Variants in TRAPPC9 observed in about 807,000 individuals in gnomAD.
The protein encoded by TRAPPC9 is IKK2 binding protein.
Under a neutral mutation model 124.0 loss-of-function variants are expected in TRAPPC9, and 83 were observed. The observed-to-expected ratio is 0.67, with a 90% confidence interval of 0.56 to 0.80. The LOEUF is 0.80. Ranked by LOEUF, TRAPPC9 falls within the 30% of genes least tolerant of loss-of-function variation. The pLI, the probability that TRAPPC9 is intolerant of heterozygous loss-of-function variation, is 0.00. For missense variants in TRAPPC9, 1,302 were observed against 1,508.3 expected, an observed-to-expected ratio of 0.86 and a Z score of 2.27; for synonymous variants, 638 against 617.5, an observed-to-expected ratio of 1.03 and a Z score of -0.49.
At chr8:140,165,371 TA>T (rs909196344) in intron 17 of TRAPPC9, among the ~76,000 whole-genome samples, 2 of 147,006 alleles carry the variant, frequency 1.4e-5, no homozygotes, top group African/African-American at 5.0e-5. Flanking sequence ...CAAAATAAAA[TA>T]ATAAAAATAC....
intron 20 of TRAPPC9, among the ~76,000 whole-genome samples, chr8:139,894,828 A>G (rs1489694372): frequency 6.6e-6 from 1 of 152,196 alleles, no homozygotes; most frequent in African/African-American, 2.4e-5. Context: ...AGTCACGCTC[A>G]GAGCAGTGAC....
At chr8:139,781,987 G>A (rs575050370) in intron 21 of TRAPPC9, among the ~76,000 whole-genome samples, 19 of 152,140 alleles carry the variant, frequency 1.2e-4, no homozygotes, top group East Asian at 1.2e-3. Context: ...AAATGCAGAC[G>A]CACCCAATAA....
At chr8:140,202,588 A>G (rs1186096976) in intron 17 of TRAPPC9, among the ~76,000 whole-genome samples, 2 of 152,252 alleles carry the variant, frequency 1.3e-5, no homozygotes, top group Non-Finnish European at 2.9e-5. Context: ...GAATGACATT[A>G]TTAAATCAGG....
intron 19 of TRAPPC9, chr8:139,932,479 G>C (rs1253151003): frequency 4.4e-6 from 2 of 457,320 alleles, no homozygotes; most frequent in African/African-American, 2.0e-5. Flanking sequence ...ATGTCATGTA[G>C]ACACTGGGCG....
At chr8:140,431,370 T>C (rs2070639022) in intron 4 of TRAPPC9, among the ~76,000 whole-genome samples, 1 of 151,756 alleles carries the variant, frequency 6.6e-6, no homozygotes, top group African/African-American at 2.4e-5. Context: ...GGCAGGAGAA[T>C]TGCTTGAACC....
intron 17 of TRAPPC9, among the ~76,000 whole-genome samples, chr8:140,130,169 A>G (rs985121960): frequency 1.3e-5 from 2 of 152,228 alleles, no homozygotes; most frequent in Non-Finnish European, 2.9e-5. Context: ...GGAGTGGATC[A>G]TCACCATTAA....
chr8:140,076,391 C>T (rs1843511440), intron 17 of TRAPPC9, among the ~76,000 whole-genome samples: 1 of 152,202 alleles, frequency 6.6e-6, no homozygotes, highest in Non-Finnish European at 1.5e-5. Flanking sequence ...TGCTTTACAA[C>T]TCGTGCATCC....
intron 21 of TRAPPC9, among the ~76,000 whole-genome samples, chr8:139,870,712 T>C (rs1828846284): frequency 6.6e-6 from 1 of 152,202 alleles, no homozygotes; most frequent in African/African-American, 2.4e-5. Flanking sequence ...TTACAGACTA[T>C]GTCTGCAGAC....
At chr8:139,846,326 C>T (rs777269823) in intron 21 of TRAPPC9, among the ~76,000 whole-genome samples, 1 of 152,164 alleles carries the variant, frequency 6.6e-6, no homozygotes, top group South Asian at 2.1e-4. Flanking sequence ...GGCAGCACTG[C>T]GGGAGGGTGG....
chr8:140,396,461 C>T lies in TRAPPC9; in HGVS notation c.1134+1159G>A, dbSNP rs148750277. On this transcript the variant is annotated intron_variant, in intron 7 of 22. Transcript: ENST00000438773. ...TGGCCAAGACCTTGCTTTTAAAACCCGCCGCTCTTAGAAGCAGCCCCAAAT... is the reference window on the plus strand; with the variant it reads ...TGGCCAAGACCTTGCTTTTAAAACCTGCCGCTCTTAGAAGCAGCCCCAAAT... Among the ~76,000 whole-genome samples, 86 of 152,044 alleles carry T rather than the reference C, an allele frequency of 5.7e-4. No homozygotes were observed. In the East Asian group the frequency reaches 0.015, roughly 27 times the overall value.
intron 19 of TRAPPC9, among the ~76,000 whole-genome samples, chr8:139,938,194 AC>A (rs1219311126): frequency 2.0e-5 from 3 of 151,884 alleles, no homozygotes; most frequent in African/African-American, 2.4e-5. Context: ...TGGGAACCTG[AC>A]AAAGCTGCCC....
At chr8:139,987,515 A>G (rs1837316914) in intron 19 of TRAPPC9, among the ~76,000 whole-genome samples, 1 of 150,210 alleles carries the variant, frequency 6.7e-6, no homozygotes, top group Non-Finnish European at 1.5e-5. Context: ...TTTAAAAAAC[A>G]TTTTATTTCC....
intron 9 of TRAPPC9, among the ~76,000 whole-genome samples, chr8:140,344,140 C>T (rs922819977): frequency 6.6e-6 from 1 of 152,110 alleles, no homozygotes; most frequent in Non-Finnish European, 1.5e-5. Context: ...GGAGGAGTTC[C>T]CTTGTAAAGG....
chr8:140,222,190 C>T (rs2063351299), intron 16 of TRAPPC9, among the ~76,000 whole-genome samples: 2 of 152,136 alleles, frequency 1.3e-5, no homozygotes, highest in Admixed American at 6.5e-5. Context: ...TCTCTCTTGC[C>T]GCTTGACCTT....
At chr8:139,821,737 T>C (rs144514502) in intron 21 of TRAPPC9, among the ~76,000 whole-genome samples, 1 of 152,280 alleles carries the variant, frequency 6.6e-6, no homozygotes, top group African/African-American at 2.4e-5. Context: ...CCAGCACCCA[T>C]GGTGAGGCTC....
At position 140,450,825 on chromosome 8, in the gene TRAPPC9, C is replaced by G; in HGVS notation, c.549G>C (p.Glu183Asp). The G allele has an allele frequency of 6.2e-7, 1 of 1,612,598 alleles. No homozygotes were observed. The highest frequency in any genetic ancestry group is 8.5e-7 in the Non-Finnish European group (1 of 1,179,392). ...TGTCCAGTCCTACAAAGTCCTTTTT[C>G]TCAAACGGGACACAGAGAAGGGGGA... Reference protein sequence around the residue: ...DKIPLLCVPFEKKDFVGLDTD... With the variant: ...DKIPLLCVPFDKKDFVGLDTD... Residue 183 changes from glutamate (E) to aspartate (D), a missense_variant, in exon 2 of 23, where the codon GAG becomes GAC. By Grantham distance (45) the Glu-to-Asp change is conservative. This residue lies in a region of TRAPPC9 where 657 missense variants were observed against 811.2 expected (regional missense o/e 0.81). Coordinates refer to ENST00000438773, the MANE Select transcript of TRAPPC9 (RefSeq NM_001160372.4).
At chr8:140,292,534 C>T (rs2065689495) in intron 11 of TRAPPC9, among the ~76,000 whole-genome samples, 1 of 152,204 alleles carries the variant, frequency 6.6e-6, no homozygotes, top group South Asian at 2.1e-4. Context: ...TTTTCCCACA[C>T]ACTCTGCAAC....
At chr8:140,370,288 C>T (rs1030032087) in intron 8 of TRAPPC9, among the ~76,000 whole-genome samples, 12 of 152,062 alleles carry the variant, frequency 7.9e-5, no homozygotes, top group South Asian at 2.1e-4. Flanking sequence ...TACAAGCGCA[C>T]GCCACCATGC....
intron 19 of TRAPPC9, among the ~76,000 whole-genome samples, chr8:139,957,757 ACCCCCCTGTG>A (rs1206909769): frequency 6.6e-6 from 1 of 151,362 alleles, no homozygotes; most frequent in African/African-American, 2.4e-5. Flanking sequence ...GGGACACAGG[ACCCCCCTGTG>A]CCATGCAGGT....
Sources: allele counts gnomAD v4.1 joint callset (sites outside exome capture counted in the v4.1 genomes callset), GRCh38; gene constraint gnomAD v4.1.1; regional missense constraint gnomAD v4.1.1; transcripts MANE v1.5; gene names NCBI Gene and HGNC (gene_info 2026-07-23, HGNC 2026-07-21).